RBFOX1: variants seen among roughly 807,000 people sequenced by gnomAD.
RBFOX1 encodes RNA binding protein fox-1 homolog 1.
In RBFOX1, 8 loss-of-function variants were observed where a neutral mutation model predicts 57.7. The ratio of observed to expected loss-of-function variants is 0.14; its 90% CI spans 0.08 to 0.25. RBFOX1 has a LOEUF of 0.25. RBFOX1 is among the 10% of genes least tolerant of loss of function. RBFOX1 has a pLI of 1.00. For missense variants in RBFOX1, 611 were observed against 548.5 expected, an observed-to-expected ratio of 1.11 and a Z score of -1.14; for synonymous variants, 326 against 222.4, an observed-to-expected ratio of 1.47 and a Z score of -4.15.
At chr16:6,531,122 C>T (rs899289999) in intron 2 of RBFOX1, among the ~76,000 whole-genome samples, 1 of 152,190 alleles carries the variant, frequency 6.6e-6, no homozygotes, top group Admixed American at 6.5e-5. Context: ...CTTGTGCTTA[C>T]CATGCCCAGT....
At chr16:7,161,491 T>C (rs1428992364) in intron 4 of RBFOX1, among the ~76,000 whole-genome samples, 1 of 152,182 alleles carries the variant, frequency 6.6e-6, no homozygotes, top group Non-Finnish European at 1.5e-5. Flanking sequence ...TTCTTCACTC[T>C]TAGGGGTTAG....
At chr16:6,558,664 T>G (rs1173955692) in intron 2 of RBFOX1, among the ~76,000 whole-genome samples, 1 of 152,108 alleles carries the variant, frequency 6.6e-6, no homozygotes, top group African/African-American at 2.4e-5. Context: ...AGATGGCTAA[T>G]TAAACAAAAC....
chr16:7,285,070 C>G (rs1232603167), intron 4 of RBFOX1, among the ~76,000 whole-genome samples: 8 of 126,358 alleles, frequency 6.3e-5, no homozygotes, highest in Non-Finnish European at 1.3e-4. Flanking sequence ...TCTATAGATT[C>G]CTTACTTTTT....
intron 5 of RBFOX1, among the ~76,000 whole-genome samples, chr16:7,559,261 G>A (rs1351149923): frequency 6.6e-6 from 1 of 152,166 alleles, no homozygotes; most frequent in Non-Finnish European, 1.5e-5. Flanking sequence ...TATCTGCCAT[G>A]AAATTCTGCT....
At chr16:5,299,870 A>G (rs2063760902) in intron 1 of RBFOX1, among the ~76,000 whole-genome samples, 1 of 152,000 alleles carries the variant, frequency 6.6e-6, no homozygotes. Flanking sequence ...CTTATTCCTG[A>G]TCTTAAGGGA....
chr16:7,484,711 G>T (rs370896331), intron 4 of RBFOX1, among the ~76,000 whole-genome samples: 1 of 152,286 alleles, frequency 6.6e-6, no homozygotes, highest in South Asian at 2.1e-4. Context: ...TGATCCGCTC[G>T]CTTCAGCCTC....
chr16:5,266,189 G>T (rs371672827), intron 1 of RBFOX1, among the ~76,000 whole-genome samples: 1 of 152,180 alleles, frequency 6.6e-6, no homozygotes, highest in Non-Finnish European at 1.5e-5. Flanking sequence ...CAGGGTTTCA[G>T]CTGTGACACT....
chr16:7,210,618 T>C (rs539138873), intron 4 of RBFOX1, among the ~76,000 whole-genome samples: 1 of 152,336 alleles, frequency 6.6e-6, no homozygotes, highest in South Asian at 2.1e-4. Flanking sequence ...ATGTTGATGA[T>C]GATGACAACT....
chr16:7,190,992 C>T (rs566310124), intron 4 of RBFOX1, among the ~76,000 whole-genome samples: 4 of 151,878 alleles, frequency 2.6e-5, no homozygotes, highest in Admixed American at 6.6e-5. Context: ...CCCAGGAATG[C>T]GAAGTGTATG....
chr16:7,331,847 C>T lies in RBFOX1; in HGVS notation c.28-186300C>T, dbSNP rs541500365. On this transcript the variant is annotated intron_variant, in intron 4 of 15. Transcript: ENST00000550418. ...GAATTAATTCCAATTCATGTCATCC[C>T]CTAGGAATTTATCTGCTCCTATGTA... Among the ~76,000 whole-genome samples, 24 of 152,014 alleles carry T rather than the reference C, an allele frequency of 1.6e-4. No individual in the cohort carries two copies. In the South Asian group the frequency reaches 2.3e-3, roughly 15 times the overall value.
intron 14 of RBFOX1, among the ~76,000 whole-genome samples, chr16:7,702,616 C>T (rs1598476828): frequency 6.6e-6 from 1 of 152,186 alleles, no homozygotes; most frequent in South Asian, 2.1e-4. Context: ...ACTCAGAAGC[C>T]ATGCGCCCTC....
intron 4 of RBFOX1, among the ~76,000 whole-genome samples, chr16:7,414,154 A>C (rs371801885): frequency 6.6e-6 from 1 of 152,234 alleles, no homozygotes; most frequent in African/African-American, 2.4e-5. Flanking sequence ...TTCGTTCTTC[A>C]CTTAGTTATC....
intron 1 of RBFOX1, among the ~76,000 whole-genome samples, chr16:6,064,349 A>T (rs1465399410): frequency 6.6e-6 from 1 of 152,154 alleles, no homozygotes; most frequent in African/African-American, 2.4e-5. Flanking sequence ...CATGAGTGCA[A>T]AATGTCTGCT....
At chr16:5,568,254 C>A (rs148384653) in intron 2 of RBFOX1, among the ~76,000 whole-genome samples, 2 of 152,182 alleles carry the variant, frequency 1.3e-5, no homozygotes, top group East Asian at 1.9e-4. Context: ...TCTCTGTGCA[C>A]GTGGCACAGT....
At chr16:6,612,741 A>G (rs1483133762) in intron 2 of RBFOX1, among the ~76,000 whole-genome samples, 2 of 151,390 alleles carry the variant, frequency 1.3e-5, no homozygotes, top group African/African-American at 4.9e-5. Context: ...AATCCCAGCT[A>G]CTCAGGAGGC....
chr16:6,572,365 T>G (rs2097356608), intron 2 of RBFOX1, among the ~76,000 whole-genome samples: 1 of 152,200 alleles, frequency 6.6e-6, no homozygotes. Flanking sequence ...TTTAAAACAT[T>G]AAAGGTTGAA....
intron 11 of RBFOX1, among the ~76,000 whole-genome samples, chr16:7,632,312 C>A (rs1304612666): frequency 6.6e-6 from 1 of 152,222 alleles, no homozygotes; most frequent in African/African-American, 2.4e-5. Context: ...AGAAGTGGTT[C>A]TTTCTGAATT....
At chr16:6,674,907 TG>T in intron 3 of RBFOX1, among the ~76,000 whole-genome samples, 1 of 152,150 alleles carries the variant, frequency 6.6e-6, no homozygotes, top group Middle Eastern at 3.4e-3. Context: ...TGGTTTTTTT[TG>T]TTTGTCTTTT....
At chr16:5,408,021 G>T (rs936809566) in intron 1 of RBFOX1, among the ~76,000 whole-genome samples, 5 of 152,348 alleles carry the variant, frequency 3.3e-5, no homozygotes, top group Admixed American at 1.3e-4. Flanking sequence ...TCCACCTCCT[G>T]TGTGGCCCCT....
Sources: gnomAD v4.1 joint callset for allele counts (sites outside exome capture counted in the v4.1 genomes callset) on GRCh38, gnomAD v4.1.1 for gene constraint, MANE v1.5 for transcripts, NCBI Gene and HGNC (gene_info 2026-07-23, HGNC 2026-07-21) for gene names.